The following PTPRD variants were observed in gnomAD, a reference collection of about 807,000 sequenced individuals.
PTPRD encodes receptor-type tyrosine-protein phosphatase delta.
A neutral mutation model predicts 214.5 loss-of-function variants in PTPRD; 34 were observed. The ratio of observed to expected loss-of-function variants is 0.16; its 90% CI spans 0.12 to 0.21. PTPRD has a LOEUF of 0.21. Among genes scored for constraint, PTPRD ranks in the 10% least tolerant of loss-of-function variants. The pLI is 1.00. For synonymous variants in PTPRD, 1,128 were observed against 845.7 expected (o/e 1.33, Z -5.79); for missense variants, 2,545 against 2,398.7 (o/e 1.06, Z -1.27).
At chr9:8,776,445 G>T (rs150834010) in intron 11 of PTPRD, among the ~76,000 whole-genome samples, 113 of 152,232 alleles carry the variant, frequency 7.4e-4, no homozygotes, top group African/African-American at 2.4e-3. Context: ...GGGACTACAG[G>T]TGCACACTAC....
intron 12 of PTPRD, among the ~76,000 whole-genome samples, chr9:8,708,912 C>T (rs997581293): frequency 6.6e-6 from 1 of 151,894 alleles, no homozygotes; most frequent in African/African-American, 2.4e-5. Context: ...TCCTACTCAG[C>T]CTTTAAAAAA....
In PTPRD at chr9:8,585,628, G is replaced by T. The variant is rs531017412; in HGVS notation, c.352+47689C>A. On this transcript the variant is annotated intron_variant, in intron 14 of 45. Coordinates refer to ENST00000381196, the MANE Select transcript of PTPRD (RefSeq NM_002839.4). ...TAGTCCTAACTCTATATGTAGGTAA[G>T]TCAGATTTCTTAGTATCCTTTACTT... Among the ~76,000 whole-genome samples the T allele has an allele frequency of 2.6e-5, 4 of 152,332 alleles. No individual in the cohort carries two copies. In the South Asian group the frequency reaches 8.3e-4, roughly 32 times the overall value.
At chr9:9,734,947 G>T (rs1023548292) in intron 6 of PTPRD, among the ~76,000 whole-genome samples, 3 of 152,100 alleles carry the variant, frequency 2.0e-5, no homozygotes, top group African/African-American at 7.2e-5. Context: ...GGGAGAAGCA[G>T]ACCAAAGTTT....
intron 10 of PTPRD, among the ~76,000 whole-genome samples, chr9:9,069,587 T>C (rs1002899724): frequency 6.6e-6 from 1 of 152,198 alleles, no homozygotes; most frequent in South Asian, 2.1e-4. Context: ...CAGCCTTGTA[T>C]TGAGGCCTTC....
intron 9 of PTPRD, among the ~76,000 whole-genome samples, chr9:9,314,281 A>G (rs1961171281): frequency 6.6e-6 from 1 of 152,184 alleles, no homozygotes; most frequent in African/African-American, 2.4e-5. Flanking sequence ...TTAACGGAAC[A>G]AAATTTGTAT....
chr9:8,814,574 C>CA (rs1342379688), intron 11 of PTPRD, among the ~76,000 whole-genome samples: 1 of 152,138 alleles, frequency 6.6e-6, no homozygotes, highest in Non-Finnish European at 1.5e-5. Context: ...ACGAGCAAGT[C>CA]AAAATGTGTT....
intron 4 of PTPRD, among the ~76,000 whole-genome samples, chr9:9,968,017 A>T (rs1037616936): frequency 6.6e-6 from 1 of 152,230 alleles, no homozygotes; most frequent in Non-Finnish European, 1.5e-5. Context: ...ATCAGAAGAC[A>T]GTGATAAAAA....
At chr9:9,656,050 A>G (rs2096504334) in intron 7 of PTPRD, among the ~76,000 whole-genome samples, 1 of 152,228 alleles carries the variant, frequency 6.6e-6, no homozygotes, top group Non-Finnish European at 1.5e-5. Context: ...ACATTAAGAA[A>G]GTGAAAATTA....
At chr9:8,842,306 G>C (rs1035303128) in intron 11 of PTPRD, among the ~76,000 whole-genome samples, 1 of 147,776 alleles carries the variant, frequency 6.8e-6, no homozygotes. Flanking sequence ...TCAGATAAAA[G>C]GATTATGAGC....
chr9:9,325,174 G>T (rs1439785677), intron 9 of PTPRD, among the ~76,000 whole-genome samples: 1 of 152,136 alleles, frequency 6.6e-6, no homozygotes, highest in African/African-American at 2.4e-5. Context: ...TGGCAATGTG[G>T]TCTCTTTTTT....
At chr9:9,889,303 GAA>G (rs1164872692) in intron 5 of PTPRD, among the ~76,000 whole-genome samples, 1 of 152,154 alleles carries the variant, frequency 6.6e-6, no homozygotes. Context: ...GTGAGGTAAT[GAA>G]TGTGTTAACT....
At chr9:8,583,957 G>C (rs1177088326) in intron 14 of PTPRD, among the ~76,000 whole-genome samples, 1 of 152,154 alleles carries the variant, frequency 6.6e-6, no homozygotes, top group Admixed American at 6.5e-5. Flanking sequence ...TTTGAGATCA[G>C]CCTGGGCAAC....
At chr9:9,014,203 T>TG (rs796765656) in intron 11 of PTPRD, among the ~76,000 whole-genome samples, 25,720 of 148,322 alleles carry the variant, frequency 0.17, 2,754 homozygotes, top group Middle Eastern at 0.25. Context: ...TTGTTTGTTT[T>TG]TTTTTTTTTT....
chr9:9,374,166 T>G (rs998500313), intron 9 of PTPRD, among the ~76,000 whole-genome samples: 7 of 152,034 alleles, frequency 4.6e-5, no homozygotes, highest in African/African-American at 1.7e-4. Flanking sequence ...AAAGACAGAT[T>G]TTATGTAAAG....
In PTPRD at chr9:8,733,781, C is replaced by G. The variant is rs1355550277; in HGVS notation, c.63G>C (p.Glu21Asp). 16 of 1,552,372 alleles carry G rather than the reference C, an allele frequency of 1.0e-5. No homozygotes were observed. Among genetic ancestry groups the G allele is most frequent in the Non-Finnish European group, 3.5e-6 (4 of 1,147,364 alleles). ...LLTFFLRTDA[E>D]TPPRFTRTPV... ...CTAGAGAAGGGGAGAATGGCTTACT[C>G]TCAGCATCCGTGCGGAGGAAGAAAG... The change falls in exon 12 of 46, where the codon GAG (glutamate) becomes GAC (aspartate). Residue 21 changes from glutamate (E) to aspartate (D), a missense_variant and splice_region_variant. Physicochemically the swap from Glu to Asp is conservative, Grantham distance 45. Coordinates refer to ENST00000381196, the MANE Select transcript of PTPRD (RefSeq NM_002839.4).
chr9:10,347,358 A>T (rs1597693003), intron 2 of PTPRD, among the ~76,000 whole-genome samples: 2 of 151,760 alleles, frequency 1.3e-5, no homozygotes, highest in African/African-American at 4.8e-5. Flanking sequence ...ATTCACTAGC[A>T]TACTTTGTAT....
intron 12 of PTPRD, among the ~76,000 whole-genome samples, chr9:8,726,557 C>T (rs1359223709): frequency 9.9e-6 from 1 of 101,282 alleles, no homozygotes; most frequent in Non-Finnish European, 1.9e-5. Flanking sequence ...CATGGAGAAA[C>T]TCGGTCTCTA....
intron 10 of PTPRD, among the ~76,000 whole-genome samples, chr9:9,062,164 A>G (rs140415262): frequency 9.2e-5 from 14 of 152,294 alleles, no homozygotes; most frequent in African/African-American, 3.4e-4. Flanking sequence ...CTGTTTTCCA[A>G]TCACATAAAT....
intron 10 of PTPRD, among the ~76,000 whole-genome samples, chr9:9,131,181 C>T (rs1341101020): frequency 6.6e-6 from 1 of 152,132 alleles, no homozygotes; most frequent in Non-Finnish European, 1.5e-5. Flanking sequence ...GCTTTTGATG[C>T]CTTCTTTCCT....
Sources: allele counts gnomAD v4.1 joint callset (sites outside exome capture counted in the v4.1 genomes callset), GRCh38; gene constraint gnomAD v4.1.1; transcripts MANE v1.5; gene names NCBI Gene and HGNC (gene_info 2026-07-23, HGNC 2026-07-21).